The following SPAG16 variants were observed in gnomAD, a reference collection of about 807,000 sequenced individuals.
SPAG16 encodes the protein sperm-associated antigen 16 protein.
In SPAG16, 86 loss-of-function variants were observed where a neutral mutation model predicts 80.4. That is an observed-to-expected ratio of 1.07 (90% confidence interval 0.90 to 1.28). The LOEUF is 1.28. Ranked by LOEUF, SPAG16 falls within the 50% of genes most tolerant of loss-of-function variation. The pLI, the probability that SPAG16 is intolerant of heterozygous loss-of-function variation, is 0.00. For missense variants in SPAG16, 870 were observed against 765.3 expected (o/e 1.14, Z -1.61); for synonymous variants, 294 against 265.9 (o/e 1.11, Z -1.03).
At chr2:214,258,490 T>TATATATATATATATATATATAC (rs771803590) in intron 15 of SPAG16, among the ~76,000 whole-genome samples, 1 of 147,394 alleles carries the variant, frequency 6.8e-6, no homozygotes, top group Non-Finnish European at 1.5e-5. Flanking sequence ...TATATATATA[T>TATATATATATATATATATATAC]ACACACACAC....
At chr2:213,321,991 T>C (rs140978272) in intron 5 of SPAG16, among the ~76,000 whole-genome samples, 6 of 152,028 alleles carry the variant, frequency 3.9e-5, no homozygotes, top group Admixed American at 1.3e-4. Context: ...AGAGATTTGG[T>C]GGTTGACACC....
chr2:214,113,802 G>T (rs1014789402), intron 14 of SPAG16, among the ~76,000 whole-genome samples: 1 of 152,006 alleles, frequency 6.6e-6, no homozygotes, highest in Non-Finnish European at 1.5e-5. Context: ...TGTTATTACC[G>T]ACCTTCTGAA....
In SPAG16 at chr2:214,338,221, A is replaced by G. The variant is rs542740571; in HGVS notation, c.1721-71919A>G. Reference sequence around the variant, plus strand: ...TATCTATTTCCTGTAACTTTTAAGAAAAAAATATCCTCAGCCAAGTGTGGT... The same window carrying G: ...TATCTATTTCCTGTAACTTTTAAGAGAAAAATATCCTCAGCCAAGTGTGGT... On this transcript the variant is annotated intron_variant, in intron 15 of 15. Coordinates refer to ENST00000331683, the MANE Select transcript of SPAG16 (RefSeq NM_024532.5). 3.2e-3 allele frequency among the ~76,000 whole-genome samples: 488 copies of G among 152,328 alleles called. 2 individuals are homozygous for G. The highest frequency in any genetic ancestry group is 5.7e-3 in the Non-Finnish European group (390 of 68,032).
intron 9 of SPAG16, among the ~76,000 whole-genome samples, chr2:213,446,951 C>T (rs2125555089): frequency 6.6e-6 from 1 of 152,272 alleles, no homozygotes; most frequent in South Asian, 2.1e-4. Context: ...TCCCTTTCTC[C>T]TTTAAGACAA....
chr2:213,470,289 A>G (rs984110264), intron 9 of SPAG16, among the ~76,000 whole-genome samples: 10 of 152,176 alleles, frequency 6.6e-5, no homozygotes, highest in Admixed American at 2.6e-4. Context: ...CATAAGCATG[A>G]TCCCACTGCC....
chr2:214,048,467 A>G (rs772984328), intron 13 of SPAG16, among the ~76,000 whole-genome samples: 2 of 152,056 alleles, frequency 1.3e-5, no homozygotes, highest in Admixed American at 6.6e-5. Flanking sequence ...ACAAAGACAA[A>G]CTGCATGTTC....
At position 213,308,121 on chromosome 2, in the gene SPAG16, CAA is replaced by C. The variant is rs139782655; in HGVS notation, c.280-1937_280-1936del. On this transcript the variant is annotated intron_variant, in intron 3 of 15. Coordinates refer to ENST00000331683, the MANE Select transcript of SPAG16 (RefSeq NM_024532.5). ...CCAATGCGAAGAAAATGACAGCACT[CAA>C]GAGACGATGATTGTTTTATTTTTTT... Among the ~76,000 whole-genome samples the C allele has an allele frequency of 9.8e-3, 1,492 of 152,242 alleles. 23 individuals are homozygous for C. Among genetic ancestry groups the C allele is most frequent in the African/African-American group, 0.033 (1,372 of 41,564 alleles).
At chr2:213,403,735 C>T (rs1026651489) in intron 9 of SPAG16, among the ~76,000 whole-genome samples, 92 of 152,094 alleles carry the variant, frequency 6.0e-4, no homozygotes, top group African/African-American at 1.7e-3. Context: ...GGAAATAAAG[C>T]GTATTCAATT....
chr2:213,680,075 C>T (rs1458926571), intron 10 of SPAG16, among the ~76,000 whole-genome samples: 1 of 152,106 alleles, frequency 6.6e-6, no homozygotes, highest in Non-Finnish European at 1.5e-5. Flanking sequence ...TGAAGTTGCA[C>T]TCAAAAGCAG....
At chr2:214,057,542 G>A (rs1044318481) in intron 13 of SPAG16, among the ~76,000 whole-genome samples, 3 of 152,032 alleles carry the variant, frequency 2.0e-5, no homozygotes, top group Non-Finnish European at 2.9e-5. Flanking sequence ...ACTATATTTA[G>A]CATAATTTTC....
At chr2:213,615,030 C>T (rs972701856) in intron 10 of SPAG16, among the ~76,000 whole-genome samples, 5 of 152,122 alleles carry the variant, frequency 3.3e-5, no homozygotes, top group African/African-American at 1.2e-4. Flanking sequence ...ATTATTAGAA[C>T]CACTTTATTG....
chr2:213,594,277 G>T (rs926453234), intron 10 of SPAG16, among the ~76,000 whole-genome samples: 2 of 152,024 alleles, frequency 1.3e-5, no homozygotes, highest in East Asian at 3.9e-4. Flanking sequence ...CCACCCAGTG[G>T]TAGCTCTTTC....
intron 10 of SPAG16, among the ~76,000 whole-genome samples, chr2:213,738,582 T>C (rs1574992969): frequency 6.6e-6 from 1 of 152,250 alleles, no homozygotes; most frequent in African/African-American, 2.4e-5. Context: ...ATATACCTTA[T>C]AACTTATATC....
At chr2:213,749,405 T>A (rs1396823640) in intron 10 of SPAG16, among the ~76,000 whole-genome samples, 1 of 152,164 alleles carries the variant, frequency 6.6e-6, no homozygotes, top group African/African-American at 2.4e-5. Context: ...AAACAAGCTT[T>A]CCTATCCCTG....
chr2:213,646,143 T>C (rs2062815522), intron 10 of SPAG16, among the ~76,000 whole-genome samples: 1 of 152,204 alleles, frequency 6.6e-6, no homozygotes, highest in Admixed American at 6.5e-5. Context: ...GGTGGCATCA[T>C]GATTCAAAAC....
intron 15 of SPAG16, among the ~76,000 whole-genome samples, chr2:214,151,014 G>A (rs976592583): frequency 2.6e-5 from 4 of 151,942 alleles, no homozygotes; most frequent in African/African-American, 7.2e-5. Context: ...AAGACAACAC[G>A]TATGAACGAG....
At chr2:213,999,185 T>C (rs2046671976) in intron 12 of SPAG16, among the ~76,000 whole-genome samples, 1 of 152,176 alleles carries the variant, frequency 6.6e-6, no homozygotes. Flanking sequence ...GCCCCTCCCA[T>C]CACAGGCTAG....
At chr2:213,524,576 T>C (rs1412575810) in intron 10 of SPAG16, among the ~76,000 whole-genome samples, 1 of 152,220 alleles carries the variant, frequency 6.6e-6, no homozygotes, top group Non-Finnish European at 1.5e-5. Flanking sequence ...CCCAAGGCCA[T>C]GGGAGCCCAC....
At chr2:213,653,972 C>G (rs2063120017) in intron 10 of SPAG16, among the ~76,000 whole-genome samples, 2 of 151,984 alleles carry the variant, frequency 1.3e-5, no homozygotes, top group African/African-American at 4.8e-5. Flanking sequence ...TTTAATAGCA[C>G]TTTTGAAGAT....
Sources: allele counts gnomAD v4.1 joint callset (sites outside exome capture counted in the v4.1 genomes callset), GRCh38; gene constraint gnomAD v4.1.1; transcripts MANE v1.5; gene names NCBI Gene and HGNC (gene_info 2026-07-23, HGNC 2026-07-21).